MAN1A1: variants seen among roughly 807,000 people sequenced by gnomAD.
MAN1A1 encodes the protein mannosyl-oligosaccharide 1,2-alpha-mannosidase IA.
In MAN1A1, 29 loss-of-function variants were observed where a neutral mutation model predicts 70.8. The ratio of observed to expected loss-of-function variants is 0.41; its 90% CI spans 0.31 to 0.56. The LOEUF (loss-of-function observed/expected upper bound fraction) is 0.56. Among genes scored for constraint, MAN1A1 ranks in the 20% least tolerant of loss-of-function variants. The pLI, the probability that MAN1A1 is intolerant of heterozygous loss-of-function variation, is 0.29. For missense variants in MAN1A1, 747 were observed against 841.3 expected (o/e 0.89, Z 1.39); for synonymous variants, 349 against 330.1 (o/e 1.06, Z -0.62).
At chr6:119,197,607 T>C (rs75732921) in intron 8 of MAN1A1, among the ~76,000 whole-genome samples, 6,656 of 152,184 alleles carry the variant, frequency 0.044, 199 homozygotes, top group East Asian at 0.082. Flanking sequence ...GAGGGGATCC[T>C]GGAAGAAATG....
At position 119,182,932 on chromosome 6, in the gene MAN1A1, T is replaced by A. The variant is rs144907920; in HGVS notation, c.1720-2505A>T. Reference sequence around the variant, plus strand: ...CCAACTACCAAGAAGATGGAAAGCATAGACTTTGCCTTATCAGTTGAGAAA... The same window carrying A: ...CCAACTACCAAGAAGATGGAAAGCAAAGACTTTGCCTTATCAGTTGAGAAA... On this transcript the variant is annotated intron_variant, in intron 11 of 12. Coordinates refer to ENST00000368468, the MANE Select transcript of MAN1A1 (RefSeq NM_005907.4). Among the ~76,000 whole-genome samples, 438 of 152,176 alleles carry A rather than the reference T, an allele frequency of 2.9e-3. 2 individuals are homozygous for A. Among genetic ancestry groups the A allele is most frequent in the African/African-American group, 0.01 (424 of 41,516 alleles).
intron 5 of MAN1A1, among the ~76,000 whole-genome samples, chr6:119,264,301 C>T (rs1775689538): frequency 6.6e-6 from 1 of 152,174 alleles, no homozygotes; most frequent in South Asian, 2.1e-4. Context: ...ACTAGGTTAA[C>T]TCAGGTAATT....
chr6:119,283,105 C>T (rs929905564), intron 5 of MAN1A1, among the ~76,000 whole-genome samples: 8 of 152,136 alleles, frequency 5.3e-5, no homozygotes, highest in African/African-American at 1.9e-4. Flanking sequence ...TGATGTTTTG[C>T]TAGCTGGGGT....
At chr6:119,340,564 C>T (rs1773570568) in intron 2 of MAN1A1, among the ~76,000 whole-genome samples, 2 of 152,154 alleles carry the variant, frequency 1.3e-5, no homozygotes, top group Admixed American at 6.6e-5. Flanking sequence ...CACAGGCCTT[C>T]GGACACCAAT....
At chr6:119,317,823 G>A (rs1772895900) in intron 2 of MAN1A1, among the ~76,000 whole-genome samples, 1 of 151,206 alleles carries the variant, frequency 6.6e-6, no homozygotes. Flanking sequence ...TTTGAAGGTA[G>A]AATTCATAAA....
intron 6 of MAN1A1, among the ~76,000 whole-genome samples, chr6:119,224,254 A>G (rs1774444391): frequency 6.6e-6 from 1 of 152,248 alleles, no homozygotes; most frequent in African/African-American, 2.4e-5. Flanking sequence ...GCACTAGACA[A>G]GATTTCATGT....
intron 4 of MAN1A1, among the ~76,000 whole-genome samples, chr6:119,297,572 A>G (rs17052758): frequency 0.1 from 15,332 of 152,130 alleles, 984 homozygotes; most frequent in Non-Finnish European, 0.14. Flanking sequence ...ATCTTGCTGC[A>G]TAATTTGGGA....
intron 5 of MAN1A1, among the ~76,000 whole-genome samples, chr6:119,263,338 C>A (rs927151551): frequency 6.6e-6 from 1 of 152,102 alleles, no homozygotes; most frequent in Non-Finnish European, 1.5e-5. Flanking sequence ...CTAACTAATA[C>A]AATGTCCTTG....
In MAN1A1 at chr6:119,290,732, A is replaced by T. The variant is rs757221453; in HGVS notation, c.848T>A (p.Ile283Lys). The T allele has an allele frequency of 1.2e-6, 2 of 1,611,340 alleles. No homozygotes were observed. The highest frequency in any genetic ancestry group is 1.7e-6 in the Non-Finnish European group (2 of 1,178,232). The change falls in exon 5 of 13, where the codon ATA becomes AAA. Residue 283 changes from isoleucine (I) to lysine (K), a missense_variant. Ile to Lys is a moderately radical substitution (Grantham distance 102, BLOSUM62 -3). Coordinates refer to ENST00000368468, the MANE Select transcript of MAN1A1 (RefSeq NM_005907.4). ...NAEISVFEVNIRFVGGLLSAY... is the reference protein window; with the variant it reads ...NAEISVFEVNKRFVGGLLSAY... ...TGAGAGTAGTCCACCAACAAAGCGT[A>T]TATTTACTTCAAAGACAGAAATTTC...
intron 11 of MAN1A1, 97 bp from the exon 12 acceptor site, chr6:119,180,524 T>C: frequency 1.5e-6 from 1 of 682,700 alleles, no homozygotes; most frequent in Non-Finnish European, 2.5e-6. Flanking sequence ...AAAACATTTT[T>C]TTTTTTTGAG....
intron 6 of MAN1A1, among the ~76,000 whole-genome samples, chr6:119,232,063 C>T (rs1423364984): frequency 6.6e-6 from 1 of 152,020 alleles, no homozygotes; most frequent in Non-Finnish European, 1.5e-5. Context: ...CAACCTGACC[C>T]ATGGAAAACT....
intron 5 of MAN1A1, among the ~76,000 whole-genome samples, chr6:119,287,577 G>T (rs953544657): frequency 6.6e-6 from 1 of 151,740 alleles, no homozygotes. Context: ...CTATTGTTAA[G>T]TAAGTGTGGA....
intron 6 of MAN1A1, among the ~76,000 whole-genome samples, chr6:119,216,092 G>GT (rs1774193110): frequency 6.6e-6 from 1 of 152,194 alleles, no homozygotes; most frequent in Non-Finnish European, 1.5e-5. Context: ...GGGGACTCCA[G>GT]TGCCAGGGCC....
intron 11 of MAN1A1, 32 bp from the exon 12 acceptor site, chr6:119,180,459 C>T (rs1405743010): frequency 9.9e-6 from 11 of 1,115,090 alleles, no homozygotes; most frequent in Middle Eastern, 2.0e-4. Flanking sequence ...AAAAAAGTCA[C>T]ATTTCAGTAA....
At position 119,178,626 on chromosome 6, in the gene MAN1A1, C is replaced by T. The variant is rs1015917679; in HGVS notation, c.*1193G>A. 2.6e-5 allele frequency: 4 copies of T among 151,938 alleles called. No individual in the cohort carries two copies. The highest frequency in any genetic ancestry group is 9.7e-5 in the African/African-American group (4 of 41,396). The allele number at this position is 151,938 out of a possible 1,614,324, so 9.4% of individuals were successfully genotyped here. ...AGGACTGTGGGGGATGGGGAGTGGC[C>T]ATTTCTTTATATTTCTTCTAAGTTG... On this transcript the variant is annotated 3_prime_UTR_variant, in exon 13 of 13. Transcript: ENST00000368468.
At chr6:119,214,916 T>A (rs1313916430) in intron 6 of MAN1A1, among the ~76,000 whole-genome samples, 1 of 144,276 alleles carries the variant, frequency 6.9e-6, no homozygotes, top group Admixed American at 7.0e-5. Context: ...CTGTATTTTT[T>A]AGAAAGCATT....
At chr6:119,256,371 T>C (rs1383417640) in intron 5 of MAN1A1, among the ~76,000 whole-genome samples, 1 of 151,856 alleles carries the variant, frequency 6.6e-6, no homozygotes, top group Admixed American at 6.6e-5. Context: ...CTAGTCAAAA[T>C]GAGTAAATGT....
rs1773805666 is a variant in MAN1A1 at position 119,348,598 on chromosome 6, C to G, written c.468G>C (p.Lys156Asn). The G allele has an allele frequency of 6.2e-7, 1 of 1,613,816 alleles. No individual in the cohort carries two copies. The highest frequency in any genetic ancestry group is 1.7e-5 in the Admixed American group (1 of 59,988). The change falls in exon 2 of 13, where the codon AAG (lysine) becomes AAC (asparagine). Residue 156 changes from lysine (K) to asparagine (N), a missense_variant. Lys to Asn is a moderately conservative substitution (Grantham distance 94). This residue lies in a region of MAN1A1 where 328 missense variants were observed against 293.1 expected (regional missense o/e 1.12). Transcript: ENST00000368468. ...IQRDILLEKK[K>N]VAQDQLRDKA... ...TGTCACGCAGCTGGTCCTGGGCCAC[C>G]TTCTTCTTCTCCAGTAGGATGTCTC...
intron 6 of MAN1A1, among the ~76,000 whole-genome samples, chr6:119,212,893 C>T (rs1484752788): frequency 6.6e-6 from 1 of 152,150 alleles, no homozygotes; most frequent in African/African-American, 2.4e-5. Context: ...TTTATCACTA[C>T]ACTTCAGAGT....
Sources: allele counts gnomAD v4.1 joint callset (sites outside exome capture counted in the v4.1 genomes callset), GRCh38; gene constraint gnomAD v4.1.1; regional missense constraint gnomAD v4.1.1; transcripts MANE v1.5; gene names NCBI Gene and HGNC (gene_info 2026-07-23, HGNC 2026-07-21).